Variants in MRPL48 observed in about 807,000 individuals in gnomAD.
The protein encoded by MRPL48 is large ribosomal subunit protein mL48.
Under a neutral mutation model 32.9 loss-of-function variants are expected in MRPL48, and 16 were observed. That is an observed-to-expected ratio of 0.49 (90% CI 0.33 to 0.74). The LOEUF (loss-of-function observed/expected upper bound fraction) is 0.74, where lower values mean the gene tolerates loss of function less well. Ranked by LOEUF, MRPL48 falls within the 30% of genes least tolerant of loss-of-function variation. MRPL48 has a pLI of 0.02. For synonymous variants in MRPL48, 94 were observed against 89.2 expected, an observed-to-expected ratio of 1.05 and a Z score of -0.31; for missense variants, 206 against 245.3, an observed-to-expected ratio of 0.84 and a Z score of 1.07.
At chr11:73,824,316 G>A (rs1947844324) in intron 3 of MRPL48, among the ~76,000 whole-genome samples, 3 of 152,024 alleles carry the variant, frequency 2.0e-5, no homozygotes, top group Admixed American at 6.6e-5. Flanking sequence ...ATGGCCGGGC[G>A]CGGTGGCTCA....
In MRPL48 at chr11:73,787,936, C is replaced by T. The variant is rs776165373; in HGVS notation, c.-36C>T. ...GAACGCGGCTGCAGGGTCCGGTCTT[C>T]GGTTTGCACAGCTAGAGGCCGCGCA... is the stretch of plus-strand genomic sequence containing the variant. On this transcript the variant is annotated 5_prime_UTR_variant, in exon 1 of 8. Coordinates refer to ENST00000310614, the MANE Select transcript of MRPL48 (RefSeq NM_016055.6). 289 of 1,607,618 alleles carry T rather than the reference C, an allele frequency of 1.8e-4. No homozygotes were observed. The Middle Eastern group carries it at 2.0e-3, about 11-fold the overall frequency.
At chr11:73,825,336 T>C (rs1947868050) in intron 3 of MRPL48, among the ~76,000 whole-genome samples, 1 of 146,376 alleles carries the variant, frequency 6.8e-6, no homozygotes, top group Admixed American at 6.8e-5. Flanking sequence ...ACATATTTTT[T>C]TTTCTTTTTT....
At chr11:73,817,867 T>G (rs1230923399) in intron 3 of MRPL48, 1 of 365,410 alleles carries the variant, frequency 2.7e-6, no homozygotes, top group Admixed American at 3.0e-5. Context: ...TACAGTGGCA[T>G]GATCATAGCT....
chr11:73,831,739 G>A (rs987813084), intron 4 of MRPL48, among the ~76,000 whole-genome samples: 3 of 151,872 alleles, frequency 2.0e-5, no homozygotes, highest in African/African-American at 7.3e-5. Flanking sequence ...TCAGGAGTTC[G>A]AGACCAGCCT....
chr11:73,808,387 A>T (rs1947498819), intron 3 of MRPL48, 37 bp downstream of exon 3: 1 of 1,575,048 alleles, frequency 6.3e-7, no homozygotes, highest in Non-Finnish European at 8.7e-7. Flanking sequence ...GGCCTGCTTT[A>T]AGTGACCCTT....
intron 3 of MRPL48, among the ~76,000 whole-genome samples, chr11:73,818,635 A>G (rs1275437027): frequency 6.6e-6 from 1 of 152,230 alleles, no homozygotes; most frequent in Non-Finnish European, 1.5e-5. Flanking sequence ...AGGGCCTTAC[A>G]GTCTGTTGAG....
chr11:73,831,669 G>A (rs1947997745), intron 4 of MRPL48, among the ~76,000 whole-genome samples: 1 of 152,032 alleles, frequency 6.6e-6, no homozygotes, highest in African/African-American at 2.4e-5. Flanking sequence ...GGCCAGGCGT[G>A]GTGGCTCATG....
At position 73,791,187 on chromosome 11, in the gene MRPL48, C is replaced by T. The variant is rs893787524; in HGVS notation, c.21+3195C>T. 2.0e-5 allele frequency among the ~76,000 whole-genome samples: 3 copies of T among 151,510 alleles called. No individual in the cohort carries two copies. The East Asian group carries it at 5.9e-4, about 30-fold the overall frequency. On this transcript the variant is annotated intron_variant, in intron 1 of 7. Transcript: ENST00000310614. ...GGCGTGTGCCACCATGCCTGGCCCG[C>T]TGCTTTTTCTTTTCTGAGTATTTTA...
At chr11:73,789,358 G>C (rs935461613) in intron 1 of MRPL48, 1 of 152,222 alleles carries the variant, frequency 6.6e-6, no homozygotes, top group Non-Finnish European at 1.5e-5. Flanking sequence ...TCCTGGAAAA[G>C]AGCCCATGGA....
intron 1 of MRPL48, among the ~76,000 whole-genome samples, chr11:73,800,449 A>G (rs1947339294): frequency 6.6e-6 from 1 of 152,162 alleles, no homozygotes; most frequent in South Asian, 2.1e-4. Flanking sequence ...TGATGTCTTA[A>G]GCTACTCACA....
chr11:73,833,328 A>G (rs1214322094), intron 4 of MRPL48, among the ~76,000 whole-genome samples: 1 of 151,374 alleles, frequency 6.6e-6, no homozygotes, highest in African/African-American at 2.4e-5. Context: ...GTGCCATTAG[A>G]GCTCCTGGTC....
chr11:73,816,116 C>T (rs2511273), intron 3 of MRPL48, among the ~76,000 whole-genome samples: 6,169 of 151,826 alleles, frequency 0.041, 423 homozygotes, highest in African/African-American at 0.14. Flanking sequence ...GGCTGGAGTG[C>T]AGTGGCGCGA....
Position 73,859,961 on chromosome 11 carries a change from C to G in MRPL48, c.426C>G (p.Ser142Arg). The G allele has an allele frequency of 6.2e-7, 1 of 1,613,846 alleles. No individual in the cohort carries two copies. The highest frequency in any genetic ancestry group is 1.7e-5 in the Admixed American group (1 of 60,012). Reference sequence around the variant, plus strand: ...TGTTGCAGTTGCAGGACCAAGGCAGCAAAATGCTCCTGGACTCAGTGCTTA... The same window carrying G: ...TGTTGCAGTTGCAGGACCAAGGCAGGAAAATGCTCCTGGACTCAGTGCTTA... ...IEVLQLQDQG[S>R]KMLLDSVLTT... Residue 142 changes from serine (S) to arginine (R), a missense_variant, in exon 6 of 8, where the codon AGC (serine) becomes AGG (arginine). Ser to Arg is a moderately radical substitution (Grantham distance 110). Transcript: ENST00000310614.
At chr11:73,844,548 G>T (rs1351834815) in intron 4 of MRPL48, among the ~76,000 whole-genome samples, 1 of 152,180 alleles carries the variant, frequency 6.6e-6, no homozygotes, top group East Asian at 1.9e-4. Context: ...ACAGTCACAT[G>T]TATTCATGTT....
intron 3 of MRPL48, among the ~76,000 whole-genome samples, chr11:73,814,023 A>G (rs990337902): frequency 1.7e-4 from 26 of 150,288 alleles, no homozygotes; most frequent in African/African-American, 5.9e-4. Flanking sequence ...CCTGAGCGAC[A>G]GAGTGAGACT....
At chr11:73,806,261 C>T (rs540641352) in intron 2 of MRPL48, among the ~76,000 whole-genome samples, 2 of 152,122 alleles carry the variant, frequency 1.3e-5, no homozygotes, top group Non-Finnish European at 2.9e-5. Flanking sequence ...CCTATAGGAC[C>T]TTCCATAATC....
chr11:73,805,186 C>A, intron 2 of MRPL48, 107 bp downstream of exon 2: 1 of 891,086 alleles, frequency 1.1e-6, no homozygotes, highest in African/African-American at 1.7e-5. Context: ...ATAAGCACAT[C>A]ATGCATCTCC....
chr11:73,836,148 T>G (rs1400949529), intron 4 of MRPL48, among the ~76,000 whole-genome samples: 1 of 151,854 alleles, frequency 6.6e-6, no homozygotes, highest in Non-Finnish European at 1.5e-5. Context: ...AGACAGGGTC[T>G]CACTCTGTCA....
chr11:73,841,270 C>A (rs1486018640), intron 4 of MRPL48, among the ~76,000 whole-genome samples: 2 of 152,192 alleles, frequency 1.3e-5, no homozygotes, highest in African/African-American at 2.4e-5. Context: ...TACTGTGTAA[C>A]TCAGTAGTTC....
Sources: gnomAD v4.1 joint callset for allele counts (sites outside exome capture counted in the v4.1 genomes callset) on GRCh38, gnomAD v4.1.1 for gene constraint, MANE v1.5 for transcripts, NCBI Gene and HGNC (gene_info 2026-07-23, HGNC 2026-07-21) for gene names.